The following TASP1 variants were observed in gnomAD, a reference collection of about 807,000 sequenced individuals.
The protein encoded by TASP1 is taspase 1, also known as threonine aspartase 1.
In TASP1, 16 loss-of-function variants were observed where a neutral mutation model predicts 56.6. The ratio of observed to expected loss-of-function variants is 0.28; its 90% CI spans 0.19 to 0.43. The LOEUF (loss-of-function observed/expected upper bound fraction) is 0.43, where lower values mean the gene tolerates loss of function less well. Ranked by LOEUF, TASP1 falls within the 20% of genes least tolerant of loss-of-function variation. The pLI is 1.00. For missense variants in TASP1, 393 were observed against 511.6 expected (o/e 0.77, Z 2.24); for synonymous variants, 179 against 184.2 (o/e 0.97, Z 0.23).
chr20:13,257,844 G>A, the TASP1 span, among the ~76,000 whole-genome samples: 13 of 152,100 alleles, frequency 8.5e-5, no homozygotes, highest in Non-Finnish European at 5.9e-5. Context: ...TTCTGGAGCC[G>A]AGCAGCATTT....
At chr20:13,180,430 A>T in the TASP1 span, among the ~76,000 whole-genome samples, 1 of 152,120 alleles carries the variant, frequency 6.6e-6, no homozygotes, top group South Asian at 2.1e-4. Flanking sequence ...AGCGCTTGCA[A>T]AATTAATATT....
At chr20:13,264,190 A>G in the TASP1 span, among the ~76,000 whole-genome samples, 1 of 152,322 alleles carries the variant, frequency 6.6e-6, no homozygotes, top group South Asian at 2.1e-4. Context: ...TTTGCCTTTC[A>G]GAAATTTGCC....
At chr20:13,343,457 A>G in the TASP1 span, among the ~76,000 whole-genome samples, 2 of 152,214 alleles carry the variant, frequency 1.3e-5, no homozygotes, top group African/African-American at 2.4e-5. Context: ...GACGCCTCAC[A>G]CCATACCCAG....
intron 4 of TASP1, among the ~76,000 whole-genome samples, chr20:13,606,373 A>G (rs1335664184): frequency 6.6e-6 from 1 of 152,068 alleles, no homozygotes; most frequent in Non-Finnish European, 1.5e-5. Flanking sequence ...ACTCATCTAG[A>G]ATAGCATTTC....
intron 13 of TASP1, 91 bp downstream of exon 13, chr20:13,417,357 C>G (rs532416938): frequency 1.4e-6 from 2 of 1,394,806 alleles, no homozygotes; most frequent in Non-Finnish European, 2.0e-6. Context: ...CCAAAAAAAG[C>G]TGAAAAAATT....
chr20:13,191,523 T>A, the TASP1 span, among the ~76,000 whole-genome samples: 2 of 152,202 alleles, frequency 1.3e-5, no homozygotes, highest in African/African-American at 2.4e-5. Flanking sequence ...CATTCATATG[T>A]GGAAGCTAAA....
chr20:13,190,881 G>T, the TASP1 span, among the ~76,000 whole-genome samples: 1 of 151,474 alleles, frequency 6.6e-6, no homozygotes, highest in Admixed American at 6.6e-5. Context: ...TCAAATAACA[G>T]CTAAAAAAGA....
the TASP1 span, among the ~76,000 whole-genome samples, chr20:13,271,477 C>T: frequency 9.8e-5 from 15 of 152,292 alleles, no homozygotes; most frequent in East Asian, 2.9e-3. Context: ...GGATTTGACC[C>T]TCCCAACACC....
At chr20:13,318,779 G>A in the TASP1 span, among the ~76,000 whole-genome samples, 2 of 152,132 alleles carry the variant, frequency 1.3e-5, no homozygotes, top group Admixed American at 6.6e-5. Flanking sequence ...AATCTAAAGA[G>A]GCTACCTACA....
chr20:13,627,704 G>T (rs866032647), intron 2 of TASP1, among the ~76,000 whole-genome samples: 24 of 134,076 alleles, frequency 1.8e-4, no homozygotes, highest in African/African-American at 7.7e-4. Flanking sequence ...CACCACTGCA[G>T]CCTGGGCAAC....
At chr20:13,574,481 G>A (rs1452006613) in intron 6 of TASP1, among the ~76,000 whole-genome samples, 1 of 152,180 alleles carries the variant, frequency 6.6e-6, no homozygotes, top group Non-Finnish European at 1.5e-5. Context: ...AACCTATTAT[G>A]AGGTGAAAAA....
At chr20:13,269,917 A>ATGGGTGTG in the TASP1 span, among the ~76,000 whole-genome samples, 1 of 136,624 alleles carries the variant, frequency 7.3e-6, no homozygotes, top group East Asian at 2.2e-4. Flanking sequence ...GATTGGATGG[A>ATGGGTGTG]TGGGTGTGTG....
chr20:13,133,326 C>A, the TASP1 span, among the ~76,000 whole-genome samples: 2 of 152,194 alleles, frequency 1.3e-5, no homozygotes, highest in Non-Finnish European at 2.9e-5. Flanking sequence ...GGTGCTGCTG[C>A]TAGTCCAGGG....
intron 11 of TASP1, among the ~76,000 whole-genome samples, chr20:13,441,985 C>A (rs985322933): frequency 6.6e-6 from 1 of 152,124 alleles, no homozygotes; most frequent in South Asian, 2.1e-4. Flanking sequence ...TAGAATGATG[C>A]CCAAATTCCT....
chr20:13,154,550 C>T, the TASP1 span, among the ~76,000 whole-genome samples: 1 of 152,148 alleles, frequency 6.6e-6, no homozygotes, highest in Non-Finnish European at 1.5e-5. Flanking sequence ...CTGCAGCCGT[C>T]CTCAGAAGAG....
intron 1 of TASP1, among the ~76,000 whole-genome samples, chr20:13,633,250 A>G (rs551603544): frequency 2.5e-3 from 381 of 152,328 alleles, no homozygotes; most frequent in Admixed American, 4.4e-3. Context: ...GGTATGGTAC[A>G]GAAGTATTTG....
chr20:13,594,246 G>A (rs774884613), intron 4 of TASP1, among the ~76,000 whole-genome samples: 2 of 152,188 alleles, frequency 1.3e-5, no homozygotes, highest in Non-Finnish European at 2.9e-5. Flanking sequence ...AAGACAAAAG[G>A]TAGATAAAAC....
chr20:13,361,058 A>G, the TASP1 span, among the ~76,000 whole-genome samples: 1 of 152,066 alleles, frequency 6.6e-6, no homozygotes, highest in Non-Finnish European at 1.5e-5. Flanking sequence ...TCCTCAAGGA[A>G]ATAACTTCTC....
chr20:13,572,462 T>A (rs6134915), intron 6 of TASP1, among the ~76,000 whole-genome samples: 35,367 of 151,912 alleles, frequency 0.23, 4,532 homozygotes, highest in Non-Finnish European at 0.29. Flanking sequence ...GGCAAGTGGA[T>A]CACTTGAGGT....
Sources: gnomAD v4.1 joint callset for allele counts (sites outside exome capture counted in the v4.1 genomes callset) on GRCh38, gnomAD v4.1.1 for gene constraint, MANE v1.5 for transcripts, NCBI Gene and HGNC (gene_info 2026-07-23, HGNC 2026-07-21) for gene names.